RAB34: variants seen among roughly 807,000 people sequenced by gnomAD.
RAB34 encodes the protein ras-related protein Rab-34.
Under a neutral mutation model 39.0 loss-of-function variants are expected in RAB34, and 33 were observed. The ratio of observed to expected loss-of-function variants is 0.85; its 90% CI spans 0.64 to 1.13. RAB34 has a LOEUF of 1.13. RAB34 is among the 50% of genes most tolerant of loss of function. The probability of loss-of-function intolerance (pLI) is 0.00; values close to 1 mark genes in which losing one functional copy is unlikely to be tolerated. For missense variants in RAB34, 289 were observed against 326.1 expected (o/e 0.89, Z 0.88); for synonymous variants, 135 against 125.1 (o/e 1.08, Z -0.53).
rs1029255683 is a variant in RAB34, at chr17:28,715,886, G to A, written c.228C>T (p.Thr76=). The A allele has an allele frequency of 6.2e-7, 1 of 1,613,910 alleles. No individual in the cohort carries two copies. The highest frequency in any genetic ancestry group is 1.3e-5 in the African/African-American group (1 of 75,004). Residue 76 remains threonine, a synonymous_variant, in exon 4 of 10, where the codon ACC becomes ACT. Transcript: ENST00000395245. The part of the protein sequence containing the change: ...TCLINRFCKD[T]FDKNYKATIG... ...TGGTGGCCTTGTAATTCTTATCAAA[G>A]GTGTCTTTGCAGAACCTGAGAGGGT... is the stretch of plus-strand genomic sequence containing the variant.
chr17:28,718,123 C>A (rs895224328), upstream of RAB34: 9 of 1,610,196 alleles, frequency 5.6e-6, no homozygotes, highest in African/African-American at 8.0e-5. Flanking sequence ...GACCCTTACC[C>A]AGCCGAATTG....
chr17:28,714,660 G>C lies in RAB34; in HGVS notation c.763C>G (p.Pro255Ala). 6.2e-7 allele frequency: 1 copy of C among 1,614,094 alleles called. No homozygotes were observed. Among genetic ancestry groups the C allele is most frequent in the Non-Finnish European group, 8.5e-7 (1 of 1,179,978 alleles). Reference protein sequence around the residue: ...NLYLTASKKKPTCCP With the variant: ...NLYLTASKKKATCCP ...CTCAGCCCTCATGGGCAACATGTGG[G>C]CTTCTTCTTGCTGGCAGTTAGGTAG... Residue 255 changes from proline (P) to alanine (A), a missense_variant, in exon 10 of 10, where the codon CCC becomes GCC. Pro to Ala is a conservative substitution (Grantham distance 27). Transcript: ENST00000395245.
At chr17:28,715,968 C>CAGCTCAGCTCCAGCACCCCCTTACCTATT (rs2033350878) in intron 3 of RAB34, 25 bp downstream of exon 3, 1 of 1,613,714 alleles carries the variant, frequency 6.2e-7, no homozygotes, top group Non-Finnish European at 8.5e-7. Context: ...CCACCCTGCC[C>CAGCTCAGCTCCAGCACCCCCTTACCTATT]AGCTCAGCTC....
chr17:28,714,880 A>C lies in RAB34; in HGVS notation c.625T>G (p.Phe209Val). 2 of 1,614,122 alleles carry C rather than the reference A, an allele frequency of 1.2e-6. No individual in the cohort carries two copies. The highest frequency in any genetic ancestry group is 1.7e-6 in the Non-Finnish European group (2 of 1,180,036). Residue 209 changes from phenylalanine to valine, a missense_variant, in exon 9 of 10, where the codon TTC becomes GTC. Phe to Val is a conservative substitution (Grantham distance 50). Transcript: ENST00000395245. ...AAGGTCAGTGCTGCCACACGGAAGAAGAATTCTCGGACATTCTCACCTGAC... is the reference window on the plus strand; with the variant it reads ...AAGGTCAGTGCTGCCACACGGAAGACGAATTCTCGGACATTCTCACCTGAC... ...SLTGENVREF[F>V]FRVAALTFEA...
chr17:28,714,645 A>C lies in RAB34; in HGVS notation c.778T>G (p.Ter260GlyextTer102). ...TCTCTGAACAGTCTCCTCAGCCCTC[A>C]TGGGCAACATGTGGGCTTCTTCTTG... ...ASKKKPTCCP* is the reference protein window; with the variant it reads ...ASKKKPTCCPG Residue 260 changes from the stop codon to glycine (G), a stop_lost, in exon 10 of 10, where the codon TGA becomes GGA. Coordinates refer to ENST00000395245, the MANE Select transcript of RAB34 (RefSeq NM_031934.6). 1 of 1,614,116 alleles carries C rather than the reference A, an allele frequency of 6.2e-7. No homozygotes were observed. The highest frequency in any genetic ancestry group is 2.2e-5 in the East Asian group (1 of 44,884).
chr17:28,716,958 C>CTT lies in RAB34; in HGVS notation c.89_90dup (p.Asp31LysfsTer105). On this transcript the variant is annotated frameshift_variant, in exon 2 of 10. Transcript: ENST00000395245. LOFTEE classifies it high-confidence loss of function. ...GCGCAGGTGACGCGGGGGTGGAAGTCTTTGTGCCCGTGCAAAGCGGCCTCC... is the reference window on the plus strand; with the variant it reads ...GCGCAGGTGACGCGGGGGTGGAAGTCTTTTTGTGCCCGTGCAAAGCGGCCTCC... The CTT allele has an allele frequency of 6.2e-7, 1 of 1,613,664 alleles. No individual in the cohort carries two copies. The highest frequency in any genetic ancestry group is 8.5e-7 in the Non-Finnish European group (1 of 1,179,934).
rs867221841 is a variant in RAB34 at position 28,716,303 on chromosome 17, C to T, written c.147-245G>A. The stretch of plus-strand genomic sequence containing the variant: ...CTGATTAGCTGTGTGACTTTGGACA[C>T]GTTATTTAGCCTCTCTAAGCCTCAG... On this transcript the variant is annotated intron_variant, in intron 2 of 9. Coordinates refer to ENST00000395245, the MANE Select transcript of RAB34 (RefSeq NM_031934.6). The T allele has an allele frequency of 1.5e-5, 8 of 535,666 alleles. No homozygotes were observed. In the East Asian group the frequency reaches 1.5e-4, roughly 10 times the overall value. The allele number at this position is 535,666 out of a possible 1,614,324, so 33.2% of individuals were successfully genotyped here.
Position 28,717,139 on chromosome 17 carries a change from C to G in RAB34, c.54+74G>C. 5.2e-6 allele frequency: 8 copies of G among 1,539,864 alleles called. No homozygotes were observed. In the South Asian group the frequency reaches 7.2e-5, roughly 14 times the overall value. On this transcript the variant is annotated intron_variant, in intron 1 of 9. Coordinates refer to ENST00000395245, the MANE Select transcript of RAB34 (RefSeq NM_031934.6). ...GGCAGGGCTGGGCCCAGTCCTCTAA[C>G]TGGTCTGGTGCCGCCTCCTCCTCGC...
In RAB34 at chr17:28,714,294, AAAG is replaced by A; in HGVS notation, c.*346_*348del. 1.9e-6 allele frequency: 1 copy of A among 539,012 alleles called. No homozygotes were observed. Among genetic ancestry groups the A allele is most frequent in the Admixed American group, 3.1e-5 (1 of 32,002 alleles). The allele number at this position is 539,012 out of a possible 1,614,324, so 33.4% of individuals were successfully genotyped here. A position where few individuals can be genotyped will look rare whatever the true frequency, so the allele number is the denominator to read the frequency against. ...ACTCCAGCCCCAAAGTGCTCGTAAC[AAAG>A]AAATTTTAATGCATAAGGCACAGTG... On this transcript the variant is annotated 3_prime_UTR_variant, in exon 10 of 10. Coordinates refer to ENST00000395245, the MANE Select transcript of RAB34 (RefSeq NM_031934.6).
At chr17:28,716,794 T>C in intron 2 of RAB34, 109 bp downstream of exon 2, 2 of 1,282,974 alleles carry the variant, frequency 1.6e-6, no homozygotes, top group Non-Finnish European at 2.1e-6. Context: ...AATAACCATA[T>C]AGCTGGTAGG....
In RAB34 at chr17:28,715,197, TCAGATC is replaced by T. The variant is rs950797580; in HGVS notation, c.505_510del (p.Asp169_Leu170del). The T allele has an allele frequency of 6.2e-7, 1 of 1,613,852 alleles. No individual in the cohort carries two copies. The highest frequency in any genetic ancestry group is 1.3e-5 in the African/African-American group (1 of 74,892). On this transcript the variant is annotated inframe_deletion, in exon 7 of 10. Transcript: ENST00000395245. ...AGTCCCCCCACTGGCACACTCACACTCAGATCCTTCTTGGAACCTACAAGGAAGAGA... is the reference window on the plus strand; with the variant it reads ...AGTCCCCCCACTGGCACACTCACACTCTTCTTGGAACCTACAAGGAAGAGA...
chr17:28,717,878 C>A, upstream of RAB34: 2 of 1,359,930 alleles, frequency 1.5e-6, no homozygotes, highest in Non-Finnish European at 1.9e-6. Flanking sequence ...TAACACGATC[C>A]CCGGAAATTC....
At chr17:28,716,231 T>G in intron 2 of RAB34, 173 bp from the exon 3 acceptor site, 1 of 775,824 alleles carries the variant, frequency 1.3e-6, no homozygotes, top group Non-Finnish European at 2.0e-6. Context: ...AGGAGTGTTT[T>G]GTGCTCCAGA....
Position 28,717,372 on chromosome 17 carries a change from C to A in RAB34, c.-106G>T, listed in dbSNP as rs1297785832. On this transcript the variant is annotated 5_prime_UTR_variant, in exon 1 of 10. Transcript: ENST00000395245. ...ACGATCACCCGCGGCCGGGGTGTCC[C>A]GACTACAACTCGGGGCCACGGGGAC... 5 of 1,527,444 alleles carry A rather than the reference C, an allele frequency of 3.3e-6. No individual in the cohort carries two copies. The highest frequency in any genetic ancestry group is 1.4e-5 in the African/African-American group (1 of 72,616). 94.6% of individuals were successfully genotyped at this position (1,527,444 alleles called of 1,614,324 possible).
In RAB34 at chr17:28,715,785, T is replaced by C. The variant is rs2033308347; in HGVS notation, c.314+15A>G. 2 of 1,611,852 alleles carry C rather than the reference T, an allele frequency of 1.2e-6. No homozygotes were observed. Among genetic ancestry groups the C allele is most frequent in the Non-Finnish European group, 8.5e-7 (1 of 1,178,618 alleles). Reference sequence around the variant, plus strand: ...GGGGAGAAGGGATAGCTGGAAGGGGTGTGGAAGCACTCACAGCTGCAAACT... The same window carrying C: ...GGGGAGAAGGGATAGCTGGAAGGGGCGTGGAAGCACTCACAGCTGCAAACT... On this transcript the variant is annotated intron_variant, in intron 4 of 9. Coordinates refer to ENST00000395245, the MANE Select transcript of RAB34 (RefSeq NM_031934.6).
intron 2 of RAB34, chr17:28,716,355 A>G (rs1567734744): frequency 4.8e-6 from 2 of 415,324 alleles, no homozygotes; most frequent in South Asian, 8.3e-5. Flanking sequence ...AAGTTAGTAT[A>G]TATTTTACTG....
chr17:28,715,155 C>T (rs1290411188), intron 7 of RAB34, 33 bp from the exon 8 acceptor site: 2 of 1,613,748 alleles, frequency 1.2e-6, no homozygotes, highest in East Asian at 2.2e-5. Flanking sequence ...GGGGGGCATT[C>T]CCTCACCAAG....
intron 5 of RAB34, 55 bp downstream of exon 5, chr17:28,715,586 T>A: frequency 6.2e-7 from 1 of 1,614,036 alleles, no homozygotes; most frequent in Non-Finnish European, 8.5e-7. Context: ...CAGCTCCATA[T>A]GAGAAGCCAT....
Position 28,717,155 on chromosome 17 carries a change from T to C in RAB34, c.54+58A>G, listed in dbSNP as rs541517858. The C allele has an allele frequency of 1.8e-4, 274 of 1,549,598 alleles. 1 individual carries two copies. In the Middle Eastern group the frequency reaches 2.3e-3, roughly 13 times the overall value. ...GTCCTCTAACTGGTCTGGTGCCGCC[T>C]CCTCCTCGCCCACACCCCGGGCTGT... is the stretch of plus-strand genomic sequence containing the variant. On this transcript the variant is annotated intron_variant, in intron 1 of 9. Transcript: ENST00000395245.
Sources: allele counts gnomAD v4.1 joint callset, GRCh38; gene constraint gnomAD v4.1.1; transcripts MANE v1.5; gene names NCBI Gene and HGNC (gene_info 2026-07-23, HGNC 2026-07-21).